Variants in AFDN observed in about 807,000 individuals in gnomAD.
The protein encoded by AFDN is afadin, adherens junction formation factor, also known as afadin.
In AFDN, 68 loss-of-function variants were observed where a neutral mutation model predicts 216.6. The observed-to-expected ratio is 0.31, with a 90% CI of 0.26 to 0.38. The LOEUF (loss-of-function observed/expected upper bound fraction) is 0.38. AFDN is among the 10% of genes least tolerant of loss of function. The pLI, the probability that AFDN is intolerant of heterozygous loss-of-function variation, is 1.00. For synonymous variants in AFDN, 868 were observed against 853.7 expected (o/e 1.02, Z -0.29); for missense variants, 2,136 against 2,342.0 (o/e 0.91, Z 1.82).
At chr6:167,868,391 T>G (rs1784424864) in intron 2 of AFDN, among the ~76,000 whole-genome samples, 1 of 152,144 alleles carries the variant, frequency 6.6e-6, no homozygotes, top group African/African-American at 2.4e-5. Context: ...GAATCAAATT[T>G]TATAGTAAAT....
chr6:167,843,325 G>T (rs1470327939), intron 1 of AFDN, among the ~76,000 whole-genome samples: 1 of 152,182 alleles, frequency 6.6e-6, no homozygotes, highest in African/African-American at 2.4e-5. Context: ...AGAAGAAAAA[G>T]TTGCTGTAGG....
At chr6:167,891,384 T>C (rs1016654524) in intron 8 of AFDN, among the ~76,000 whole-genome samples, 1 of 148,372 alleles carries the variant, frequency 6.7e-6, no homozygotes, top group Non-Finnish European at 1.5e-5. Flanking sequence ...GGTATTTACC[T>C]AGGGCAGATT....
Position 167,965,669 on chromosome 6 carries a change from A to C in AFDN, c.4969-88A>C, listed in dbSNP as rs146266523. On this transcript the variant is annotated intron_variant, in intron 31 of 33. Coordinates refer to ENST00000683244, the MANE Select transcript of AFDN (RefSeq NM_001386888.1). Reference sequence around the variant, plus strand: ...ATTAAACTTTGACGTCAGTGTGATGATGAGGATTGTTCCCTTTGAAGGCCC... The same window carrying C: ...ATTAAACTTTGACGTCAGTGTGATGCTGAGGATTGTTCCCTTTGAAGGCCC... 119 of 1,230,720 alleles carry C rather than the reference A, an allele frequency of 9.7e-5. No individual in the cohort carries two copies. In the African/African-American group the frequency reaches 1.8e-3, roughly 18 times the overall value. 76.2% of individuals were successfully genotyped at this position (1,230,720 alleles called of 1,614,324 possible). A position where few individuals can be genotyped will look rare whatever the true frequency, so the allele number is the denominator to read the frequency against.
chr6:167,844,866 T>TTTTTTTTTTTTG (rs1399027374), intron 1 of AFDN, among the ~76,000 whole-genome samples: 20 of 136,018 alleles, frequency 1.5e-4, no homozygotes, highest in Non-Finnish European at 1.9e-4. Flanking sequence ...TTTTTTTTTT[T>TTTTTTTTTTTTG]TTTTGGTTTT....
intron 13 of AFDN, among the ~76,000 whole-genome samples, chr6:167,909,219 A>G (rs1296454751): frequency 6.6e-6 from 1 of 152,144 alleles, no homozygotes; most frequent in Admixed American, 6.5e-5. Context: ...GAGTTAAATC[A>G]TTAGATCATA....
chr6:167,846,424 G>GT (rs1289070057), intron 1 of AFDN, among the ~76,000 whole-genome samples: 1 of 151,816 alleles, frequency 6.6e-6, no homozygotes, highest in African/African-American at 2.4e-5. Flanking sequence ...CTATAGGGGT[G>GT]TTTTTTTCTG....
intron 13 of AFDN, among the ~76,000 whole-genome samples, chr6:167,908,977 T>G (rs141383018): frequency 1.3e-5 from 2 of 152,290 alleles, no homozygotes; most frequent in Non-Finnish European, 2.9e-5. Flanking sequence ...GGACGACTTT[T>G]AATTGTCACT....
intron 1 of AFDN, among the ~76,000 whole-genome samples, chr6:167,862,015 G>A (rs1383370931): frequency 6.6e-6 from 1 of 152,226 alleles, no homozygotes; most frequent in African/African-American, 2.4e-5. Context: ...ATTAGGTTTA[G>A]TATAAAGATG....
At chr6:167,888,602 A>C (rs9355144) in intron 6 of AFDN, among the ~76,000 whole-genome samples, 46,160 of 151,992 alleles carry the variant, frequency 0.3, 8,059 homozygotes, top group East Asian at 0.6. Flanking sequence ...GTAAAAATGT[A>C]ATAAAAAAGT....
At chr6:167,889,116 G>T in intron 6 of AFDN, 99 bp from the exon 7 acceptor site, 1 of 728,262 alleles carries the variant, frequency 1.4e-6, no homozygotes, top group Non-Finnish European at 2.3e-6. Context: ...ATTCTACGGT[G>T]ACATTTTATT....
At chr6:167,966,181 C>G (rs747740065) in intron 32 of AFDN, 136 bp downstream of exon 32, 1 of 1,534,574 alleles carries the variant, frequency 6.5e-7, no homozygotes, top group South Asian at 1.2e-5. Flanking sequence ...CAGCCACCCT[C>G]AGCCAAAGCC....
At position 167,872,959 on chromosome 6, in the gene AFDN, G is replaced by T. The variant is rs923997398; in HGVS notation, c.578+582G>T. 2.6e-5 allele frequency among the ~76,000 whole-genome samples: 4 copies of T among 152,316 alleles called. No homozygotes were observed. The Middle Eastern group carries it at 0.014, about 518-fold the overall frequency. On this transcript the variant is annotated intron_variant, in intron 4 of 33. Coordinates refer to ENST00000683244, the MANE Select transcript of AFDN (RefSeq NM_001386888.1). ...TTGCATTTTTACTATAACAAAAAGA[G>T]TCACTGGGAGAAACTAGACTTTCCC...
intron 30 of AFDN, among the ~76,000 whole-genome samples, chr6:167,953,788 G>C (rs576382066): frequency 6.6e-6 from 1 of 152,304 alleles, no homozygotes; most frequent in African/African-American, 2.4e-5. Context: ...TCGCTCCTGG[G>C]TGCACTAAGA....
intron 5 of AFDN, among the ~76,000 whole-genome samples, chr6:167,876,627 C>T (rs1785415666): frequency 1.3e-5 from 2 of 152,098 alleles, no homozygotes; most frequent in Non-Finnish European, 2.9e-5. Flanking sequence ...TCTATGGTTC[C>T]CTTAAAGAAT....
chr6:167,851,811 C>G (rs528121775), intron 1 of AFDN, among the ~76,000 whole-genome samples: 1 of 152,232 alleles, frequency 6.6e-6, no homozygotes, highest in South Asian at 2.1e-4. Context: ...CTATGTTTGG[C>G]TTCTGATGTT....
Position 167,890,985 on chromosome 6 carries a change from C to G in AFDN, c.1133C>G (p.Thr378Ser), listed in dbSNP as rs1396620473. The change falls in exon 8 of 34, where the codon ACC becomes AGC. Residue 378 changes from threonine to serine, a missense_variant. Around this residue, in one of 8 missense-constraint regions of AFDN, gnomAD observed 817 missense variants for 965.7 expected, o/e 0.85. Transcript: ENST00000683244. Reference sequence around the variant, plus strand: ...GCTGACGGGTCTGGCTATGGCTCCACCCTTCCTCCGGAGAAGCTGCCCTAT... The same window carrying G: ...GCTGACGGGTCTGGCTATGGCTCCAGCCTTCCTCCGGAGAAGCTGCCCTAT... ...ERADGSGYGSTLPPEKLPYLV... is the reference protein window; with the variant it reads ...ERADGSGYGSSLPPEKLPYLV... The G allele has an allele frequency of 6.2e-7, 1 of 1,614,002 alleles. No homozygotes were observed. Among genetic ancestry groups the G allele is most frequent in the African/African-American group, 1.3e-5 (1 of 75,034 alleles).
At chr6:167,964,014 A>G in intron 31 of AFDN, 7 of 1,064,478 alleles carry the variant, frequency 6.6e-6, no homozygotes, top group Non-Finnish European at 8.0e-6. Flanking sequence ...CGGCGGGGGC[A>G]GCTGGGTTGT....
chr6:167,835,532 A>T (rs946133144), intron 1 of AFDN, among the ~76,000 whole-genome samples: 1 of 152,216 alleles, frequency 6.6e-6, no homozygotes, highest in African/African-American at 2.4e-5. Flanking sequence ...AAAGAAACGT[A>T]CTCAATTTTC....
intron 4 of AFDN, among the ~76,000 whole-genome samples, chr6:167,873,920 TA>T (rs1453629303): frequency 3.9e-5 from 6 of 152,248 alleles, no homozygotes; most frequent in African/African-American, 1.4e-4. Flanking sequence ...AATTTGAGCC[TA>T]TTTTGTGTTG....
Sources: gnomAD v4.1 joint callset for allele counts (sites outside exome capture counted in the v4.1 genomes callset) on GRCh38, gnomAD v4.1.1 for gene constraint, gnomAD v4.1.1 regional missense constraint, MANE v1.5 for transcripts, NCBI Gene and HGNC (gene_info 2026-07-23, HGNC 2026-07-21) for gene names.